RNF212: variants seen among roughly 807,000 people sequenced by gnomAD.
RNF212 encodes the protein ring finger protein 212.
RNF212 carries 33 observed loss-of-function variants against 34.7 expected under a neutral mutation model. The ratio of observed to expected loss-of-function variants is 0.95; its 90% CI spans 0.72 to 1.27. The LOEUF (loss-of-function observed/expected upper bound fraction) is 1.27, where lower values mean the gene tolerates loss of function less well. Ranked by LOEUF, RNF212 falls within the 50% of genes most tolerant of loss-of-function variation. The pLI, the probability that RNF212 is intolerant of heterozygous loss-of-function variation, is 0.00. For missense variants in RNF212, 377 were observed against 362.2 expected (o/e 1.04, Z -0.33); for synonymous variants, 140 against 136.1 (o/e 1.03, Z -0.20).
intron 1 of RNF212, among the ~76,000 whole-genome samples, chr4:1,110,387 T>G (rs1200352123): frequency 6.6e-6 from 1 of 152,146 alleles, no homozygotes; most frequent in Admixed American, 6.5e-5. Context: ...AGGCACTTCC[T>G]TTGTGCCTGT....
intron 3 of RNF212, among the ~76,000 whole-genome samples, chr4:1,063,465 C>CT (rs1717881087): frequency 6.6e-6 from 1 of 152,278 alleles, no homozygotes; most frequent in African/African-American, 2.4e-5. Context: ...AATCCCAGCA[C>CT]TTTGGGAGGC....
intron 1 of RNF212, among the ~76,000 whole-genome samples, chr4:1,112,387 C>T (rs1375373579): frequency 6.6e-6 from 1 of 152,110 alleles, no homozygotes; most frequent in East Asian, 1.9e-4. Flanking sequence ...TGTGAGCCAC[C>T]GGCACCCAGC....
Position 1,072,680 on chromosome 4 carries a change from G to T in RNF212, c.*194C>A. On this transcript the variant is annotated 3_prime_UTR_variant, in exon 10 of 10. Transcript: ENST00000433731. ...AAAGGGATAATAACAATATATATGA[G>T]TACATAAAAATATTGTCTCTAAAAT... 1 of 1,284,572 alleles carries T rather than the reference G, an allele frequency of 7.8e-7. No individual in the cohort carries two copies. The highest frequency in any genetic ancestry group is 3.2e-5 in the Admixed American group (1 of 31,050). The allele number at this position is 1,284,572 out of a possible 1,614,324, so 79.6% of individuals were successfully genotyped here. A position where few individuals can be genotyped will look rare whatever the true frequency, so the allele number is the denominator to read the frequency against.
At position 1,113,563 on chromosome 4, in the gene RNF212, G is replaced by A. The variant is rs1004044941; in HGVS notation, c.-99C>T. Reference sequence around the variant, plus strand: ...GCAGGGCCCGAAGGCGGGCAGCTCTGCGCCTGCGCAAAGTCGACGGCAGCC... The same window carrying A: ...GCAGGGCCCGAAGGCGGGCAGCTCTACGCCTGCGCAAAGTCGACGGCAGCC... On this transcript the variant is annotated 5_prime_UTR_variant, in exon 1 of 10. Coordinates refer to ENST00000433731, the MANE Select transcript of RNF212 (RefSeq NM_001131034.4). The A allele has an allele frequency of 2.1e-6, 2 of 939,884 alleles. No individual in the cohort carries two copies. The highest frequency in any genetic ancestry group is 3.5e-5 in the African/African-American group (2 of 57,382). 58.2% of individuals were successfully genotyped at this position (939,884 alleles called of 1,614,324 possible). A position where few individuals can be genotyped will look rare whatever the true frequency, so the allele number is the denominator to read the frequency against.
intron 5 of RNF212, among the ~76,000 whole-genome samples, chr4:1,084,247 G>A (rs1393560806): frequency 6.6e-6 from 1 of 152,086 alleles, no homozygotes; most frequent in Non-Finnish European, 1.5e-5. Flanking sequence ...CACTGCGCCT[G>A]GCCCCTTTGA....
intron 3 of RNF212, chr4:1,096,499 C>T (rs1723066537): frequency 1.2e-5 from 4 of 344,080 alleles, no homozygotes; most frequent in Non-Finnish European, 2.1e-5. Context: ...TGGCTCATCA[C>T]GGAACCAAGC....
chr4:1,082,475 G>C (rs917706803), intron 5 of RNF212, among the ~76,000 whole-genome samples: 1 of 152,250 alleles, frequency 6.6e-6, no homozygotes, highest in Non-Finnish European at 1.5e-5. Context: ...TGCTGGCTGG[G>C]TTTTGAGATA....
intron 8 of RNF212, among the ~76,000 whole-genome samples, chr4:1,079,045 G>A (rs928423794): frequency 1.3e-5 from 2 of 150,994 alleles, no homozygotes; most frequent in Admixed American, 6.6e-5. Flanking sequence ...GACCAACATA[G>A]AGTCAACACA....
intron 8 of RNF212, among the ~76,000 whole-genome samples, chr4:1,077,811 G>A (rs974983251): frequency 2.0e-5 from 3 of 152,204 alleles, no homozygotes; most frequent in Non-Finnish European, 2.9e-5. Context: ...TGGGGTCCTC[G>A]ATGTGGGCCA....
chr4:1,085,511 A>G (rs1721021427), intron 5 of RNF212, among the ~76,000 whole-genome samples: 1 of 151,900 alleles, frequency 6.6e-6, no homozygotes, highest in African/African-American at 2.4e-5. Context: ...AACGGCTACG[A>G]CTCCTGGCAG....
intron 1 of RNF212, among the ~76,000 whole-genome samples, chr4:1,108,808 C>T (rs1057450728): frequency 3.3e-5 from 5 of 152,124 alleles, no homozygotes; most frequent in African/African-American, 9.7e-5. Flanking sequence ...CAACAGTCTT[C>T]CCCTCTCAGC....
intron 9 of RNF212, 104 bp downstream of exon 9, chr4:1,073,495 C>T (rs1375696517): frequency 1.1e-6 from 1 of 920,388 alleles, no homozygotes; most frequent in South Asian, 1.4e-5. Context: ...AAGGACAGCA[C>T]CCCCTTGGGT....
At chr4:1,060,523 G>C (rs1717681742) in intron 3 of RNF212, among the ~76,000 whole-genome samples, 1 of 149,592 alleles carries the variant, frequency 6.7e-6, no homozygotes, top group South Asian at 2.1e-4. Context: ...CCATGTTTCA[G>C]TCCCACTAAG....
At chr4:1,074,164 C>A (rs1718897362) in intron 8 of RNF212, among the ~76,000 whole-genome samples, 1 of 152,302 alleles carries the variant, frequency 6.6e-6, no homozygotes, top group East Asian at 1.9e-4. Flanking sequence ...CCTCCTCAAC[C>A]CACAGGAACC....
intron 4 of RNF212, among the ~76,000 whole-genome samples, chr4:1,089,856 G>C (rs919208212): frequency 6.6e-6 from 1 of 152,176 alleles, no homozygotes; most frequent in Non-Finnish European, 1.5e-5. Context: ...TGCCGTGACT[G>C]TAAGTTTCCT....
chr4:1,059,772 AGT>A (rs897691059), intron 3 of RNF212, among the ~76,000 whole-genome samples: 2 of 152,276 alleles, frequency 1.3e-5, no homozygotes, highest in Admixed American at 1.3e-4. Context: ...TCTTTTGTTA[AGT>A]AACTTATGCT....
At chr4:1,087,402 G>C in intron 4 of RNF212, among the ~76,000 whole-genome samples, 1 of 90,252 alleles carries the variant, frequency 1.1e-5, no homozygotes, top group Non-Finnish European at 2.3e-5. Context: ...GGGGTGACAG[G>C]ATAGGTGGGG....
At chr4:1,070,856 G>A (rs976323582), downstream of RNF212, among the ~76,000 whole-genome samples, 4 of 152,098 alleles carry the variant, frequency 2.6e-5, no homozygotes, top group African/African-American at 9.7e-5. Context: ...GGGGAATCTG[G>A]ACAAGGGAGA....
Position 1,079,070 on chromosome 4 carries a change from CCAACACAGGGT to C in RNF212, c.510+562_510+572del, listed in dbSNP as rs1358418173. On this transcript the variant is annotated intron_variant, in intron 8 of 9. Coordinates refer to ENST00000433731, the MANE Select transcript of RNF212 (RefSeq NM_001131034.4). ...GAGTCAACACAGGACCAACATGGGA[CCAACACAGGGT>C]CAACACAGGACCAACATAGGACCAA... Among the ~76,000 whole-genome samples the C allele has an allele frequency of 6.6e-5, 10 of 150,998 alleles. No homozygotes were observed. In the East Asian group the frequency reaches 2.0e-3, roughly 30 times the overall value.
Sources: gnomAD v4.1 joint callset for allele counts (sites outside exome capture counted in the v4.1 genomes callset) on GRCh38, gnomAD v4.1.1 for gene constraint, MANE v1.5 for transcripts, NCBI Gene and HGNC (gene_info 2026-07-23, HGNC 2026-07-21) for gene names.